The following DLGAP1 variants were observed in gnomAD, a reference collection of about 807,000 sequenced individuals.
DLGAP1 encodes the protein disks large-associated protein 1.
DLGAP1 carries 11 observed loss-of-function variants against 90.8 expected under a neutral mutation model. That is an observed-to-expected ratio of 0.12 (90% CI 0.08 to 0.20). DLGAP1 has a LOEUF of 0.20. Ranked by LOEUF, DLGAP1 falls within the 10% of genes least tolerant of loss-of-function variation. The pLI, the probability that DLGAP1 is intolerant of heterozygous loss-of-function variation, is 1.00. For missense variants in DLGAP1, 1,050 were observed against 1,333.8 expected (o/e 0.79, Z 3.31); for synonymous variants, 558 against 540.7 (o/e 1.03, Z -0.44).
At position 3,639,755 on chromosome 18, in the gene DLGAP1, C is replaced by CTTTTTTTTT. The variant is rs58862252; in HGVS notation, c.1592-57516_1592-57508dup. On this transcript the variant is annotated intron_variant, in intron 7 of 12. Coordinates refer to ENST00000315677, the MANE Select transcript of DLGAP1 (RefSeq NM_004746.4). The stretch of plus-strand genomic sequence containing the variant: ...GTTCTCCTGCTACCTGCAGAGTTGC[C>CTTTTTTTTT]TTTTTTTTTTTTTTTTTGAGACAGA... Among the ~76,000 whole-genome samples the CTTTTTTTTT allele has an allele frequency of 5.8e-3, 682 of 118,164 alleles. 29 individuals carry two copies. Among genetic ancestry groups the CTTTTTTTTT allele is most frequent in the African/African-American group, 0.014 (379 of 27,674 alleles). 77.5% of individuals were successfully genotyped at this position (118,164 alleles called of 152,430 possible).
Position 3,582,116 on chromosome 18 carries a change from C to T in DLGAP1, c.1724G>A (p.Gly575Asp), listed in dbSNP as rs911775429. 8.1e-6 allele frequency: 13 copies of T among 1,613,794 alleles called. No individual in the cohort carries two copies. Among genetic ancestry groups the T allele is most frequent in the Non-Finnish European group, 9.3e-6 (11 of 1,179,990 alleles). Residue 575 changes from glycine to aspartate, a missense_variant, in exon 8 of 13, where the codon GGC becomes GAC. By Grantham distance (94) the Gly-to-Asp change is moderately conservative. Around this residue, in one of 2 missense-constraint regions of DLGAP1, gnomAD observed 565 missense variants for 879.7 expected, o/e 0.64. Transcript: ENST00000315677. ...SAQDAYMDGQGQRGDIISQSG... is the reference protein window; with the variant it reads ...SAQDAYMDGQDQRGDIISQSG... Reference sequence around the variant, plus strand: ...CTGGCTGATAATATCTCCTCGCTGGCCCTGTCCGTCCATGTAGGCATCCTG... The same window carrying T: ...CTGGCTGATAATATCTCCTCGCTGGTCCTGTCCGTCCATGTAGGCATCCTG...
At chr18:3,953,384 T>C (rs2073026662) in intron 3 of DLGAP1, among the ~76,000 whole-genome samples, 1 of 152,198 alleles carries the variant, frequency 6.6e-6, no homozygotes, top group Non-Finnish European at 1.5e-5. Context: ...ATTCGATATG[T>C]GTATGTGTGC....
intron 1 of DLGAP1, among the ~76,000 whole-genome samples, chr18:4,409,137 T>C (rs2082724864): frequency 6.6e-6 from 1 of 152,116 alleles, no homozygotes; most frequent in Non-Finnish European, 1.5e-5. Context: ...CTTAGGGTTT[T>C]GTTTTTTGAT....
chr18:4,434,600 TGGA>T (rs2083360443), intron 1 of DLGAP1, among the ~76,000 whole-genome samples: 2 of 152,232 alleles, frequency 1.3e-5, no homozygotes, highest in South Asian at 4.1e-4. Flanking sequence ...TCAACTCCTC[TGGA>T]GGAGGAATGC....
chr18:4,312,743 T>C (rs547581773), intron 1 of DLGAP1, among the ~76,000 whole-genome samples: 1 of 152,368 alleles, frequency 6.6e-6, no homozygotes, highest in African/African-American at 2.4e-5. Flanking sequence ...ATATTATATT[T>C]ACTGAATAAT....
At chr18:4,169,272 T>A (rs2144571558) in intron 1 of DLGAP1, among the ~76,000 whole-genome samples, 1 of 152,336 alleles carries the variant, frequency 6.6e-6, no homozygotes, top group South Asian at 2.1e-4. Flanking sequence ...ACTATACCAC[T>A]TATGGCCAAA....
intron 3 of DLGAP1, among the ~76,000 whole-genome samples, chr18:3,964,398 G>A (rs78318908): frequency 2.6e-5 from 4 of 152,202 alleles, no homozygotes; most frequent in Admixed American, 6.5e-5. Context: ...AAGAGTCTGC[G>A]TGAATACGGC....
intron 7 of DLGAP1, chr18:3,679,977 T>C (rs1313878018): frequency 6.6e-6 from 1 of 151,988 alleles, no homozygotes; most frequent in African/African-American, 2.4e-5. Context: ...TGAGCCACCA[T>C]GCCCAGCCAT....
rs1396584801 is a variant in DLGAP1, at chr18:3,497,087, A to T, written c.*2098T>A. On this transcript the variant is annotated 3_prime_UTR_variant, in exon 13 of 13. Transcript: ENST00000315677. ...AGGGCACGGAGCTGTAATTGTGAGC[A>T]TGGGTCTTGGGATGAACGCTGCTTC... 1.3e-5 allele frequency: 2 copies of T among 152,166 alleles called. No homozygotes were observed. Among genetic ancestry groups the T allele is most frequent in the African/African-American group, 4.8e-5 (2 of 41,442 alleles). 9.4% of individuals were successfully genotyped at this position (152,166 alleles called of 1,614,324 possible).
chr18:4,260,405 C>T (rs2145258019), intron 1 of DLGAP1, among the ~76,000 whole-genome samples: 1 of 152,250 alleles, frequency 6.6e-6, no homozygotes, highest in South Asian at 2.1e-4. Flanking sequence ...TCTCATTGAT[C>T]AGCCTTAAGT....
intron 1 of DLGAP1, among the ~76,000 whole-genome samples, chr18:4,373,942 G>A (rs77027308): frequency 0.02 from 2,974 of 150,936 alleles, 105 homozygotes; most frequent in African/African-American, 0.069. Flanking sequence ...TGGAGTCACC[G>A]AAAAAAAAGA....
At chr18:4,412,211 T>C (rs1215640983) in intron 1 of DLGAP1, among the ~76,000 whole-genome samples, 1 of 152,106 alleles carries the variant, frequency 6.6e-6, no homozygotes, top group Non-Finnish European at 1.5e-5. Context: ...CCTGTGTTAG[T>C]GAAGAGGGGG....
At chr18:4,006,588 C>T (rs573586153) in intron 2 of DLGAP1, among the ~76,000 whole-genome samples, 1 of 151,752 alleles carries the variant, frequency 6.6e-6, no homozygotes, top group East Asian at 1.9e-4. Flanking sequence ...AACTTATCAA[C>T]CCTTTTGAGT....
chr18:4,273,307 C>G (rs542706943), intron 1 of DLGAP1, among the ~76,000 whole-genome samples: 1 of 152,302 alleles, frequency 6.6e-6, no homozygotes, highest in African/African-American at 2.4e-5. Context: ...TCTTGCTTCC[C>G]CAGCATACAT....
At chr18:3,825,692 G>A (rs1038799410) in intron 4 of DLGAP1, among the ~76,000 whole-genome samples, 7 of 152,032 alleles carry the variant, frequency 4.6e-5, no homozygotes, top group African/African-American at 9.7e-5. Flanking sequence ...TGGGGATACC[G>A]CAATTCACAG....
At chr18:3,833,166 C>A (rs1302355735) in intron 4 of DLGAP1, among the ~76,000 whole-genome samples, 1,185 of 3,338 alleles carry the variant, frequency 0.36, 75 homozygotes, top group South Asian at 0.42. Context: ...TCCTTCCTTC[C>A]TTCCTTCCTT....
chr18:4,451,154 T>C (rs928418791), intron 1 of DLGAP1, among the ~76,000 whole-genome samples: 12 of 152,228 alleles, frequency 7.9e-5, no homozygotes, highest in Admixed American at 2.0e-4. Context: ...ATCTGTCCCC[T>C]ACCATTTACT....
chr18:3,697,259 T>G (rs940520498), intron 7 of DLGAP1, among the ~76,000 whole-genome samples: 2 of 152,076 alleles, frequency 1.3e-5, no homozygotes, highest in African/African-American at 4.8e-5. Flanking sequence ...TCTTGCTTCT[T>G]TAGTTCTTTT....
At chr18:3,525,923 C>T (rs1215309776) in intron 10 of DLGAP1, among the ~76,000 whole-genome samples, 1 of 152,190 alleles carries the variant, frequency 6.6e-6, no homozygotes, top group Non-Finnish European at 1.5e-5. Flanking sequence ...CCTCAAGAAG[C>T]ACATCCACAA....
Sources: allele counts gnomAD v4.1 joint callset (sites outside exome capture counted in the v4.1 genomes callset), GRCh38; gene constraint gnomAD v4.1.1; regional missense constraint gnomAD v4.1.1; transcripts MANE v1.5; gene names NCBI Gene and HGNC (gene_info 2026-07-23, HGNC 2026-07-21).